The following UNC13C variants were observed in gnomAD, a reference collection of about 807,000 sequenced individuals.
UNC13C encodes unc-13 homolog C.
Under a neutral mutation model 245.4 loss-of-function variants are expected in UNC13C, and 174 were observed. The observed-to-expected ratio is 0.71, with a 90% CI of 0.63 to 0.80. UNC13C has a LOEUF of 0.80. Ranked by LOEUF, UNC13C falls within the 30% of genes least tolerant of loss-of-function variation. UNC13C has a pLI of 0.00. For missense variants in UNC13C, 2,829 were observed against 2,602.9 expected, an observed-to-expected ratio of 1.09 and a Z score of -1.89; for synonymous variants, 992 against 895.1, an observed-to-expected ratio of 1.11 and a Z score of -1.93.
intron 2 of UNC13C, among the ~76,000 whole-genome samples, chr15:54,086,341 T>C (rs1020545859): frequency 2.0e-5 from 3 of 152,206 alleles, no homozygotes; most frequent in Non-Finnish European, 2.9e-5. Flanking sequence ...TATAGGACAT[T>C]CAAAAAAGTT....
chr15:54,474,977 G>C (rs948396376), intron 19 of UNC13C, among the ~76,000 whole-genome samples: 3 of 151,900 alleles, frequency 2.0e-5, no homozygotes, highest in African/African-American at 7.3e-5. Context: ...CCACAAGAAG[G>C]ATACCAAGCC....
chr15:53,897,052 G>T, the UNC13C span, among the ~76,000 whole-genome samples: 1 of 151,900 alleles, frequency 6.6e-6, no homozygotes, highest in South Asian at 2.1e-4. Context: ...TCCTCATTTT[G>T]TAGAGAAAGT....
At chr15:53,922,152 C>G in the UNC13C span, among the ~76,000 whole-genome samples, 1 of 152,134 alleles carries the variant, frequency 6.6e-6, no homozygotes, top group East Asian at 1.9e-4. Flanking sequence ...TTTTAAAAAG[C>G]AATGGGTTTG....
intron 19 of UNC13C, among the ~76,000 whole-genome samples, chr15:54,460,805 C>T (rs1041601585): frequency 6.6e-5 from 10 of 152,212 alleles, no homozygotes; most frequent in Non-Finnish European, 1.3e-4. Context: ...TGAATCTCCA[C>T]ACACTGTTCT....
intron 30 of UNC13C, among the ~76,000 whole-genome samples, chr15:54,608,013 G>GA (rs1359756328): frequency 2.0e-5 from 3 of 151,644 alleles, no homozygotes; most frequent in Admixed American, 6.6e-5. Flanking sequence ...GCATTTATTT[G>GA]AAAAAACAAA....
chr15:54,296,156 T>C (rs1567167470), intron 11 of UNC13C, among the ~76,000 whole-genome samples: 1 of 152,102 alleles, frequency 6.6e-6, no homozygotes, highest in East Asian at 1.9e-4. Flanking sequence ...AAAAAGACCC[T>C]AGGTCTTGCA....
chr15:54,170,194 C>T (rs2033342678), intron 4 of UNC13C, among the ~76,000 whole-genome samples: 1 of 151,856 alleles, frequency 6.6e-6, no homozygotes, highest in South Asian at 2.1e-4. Context: ...ATACTTACGT[C>T]TGATAGTGAC....
chr15:54,163,557 T>C (rs2033055886), intron 4 of UNC13C, among the ~76,000 whole-genome samples: 1 of 152,240 alleles, frequency 6.6e-6, no homozygotes, highest in African/African-American at 2.4e-5. Context: ...CCCACTGTAC[T>C]TCTTTTTCAT....
At chr15:54,056,226 A>G (rs1897514379) in intron 2 of UNC13C, among the ~76,000 whole-genome samples, 1 of 152,142 alleles carries the variant, frequency 6.6e-6, no homozygotes, top group East Asian at 1.9e-4. Flanking sequence ...AAATTAGACG[A>G]ATGGATAACT....
chr15:54,298,049 A>C, intron 12 of UNC13C, 123 bp downstream of exon 12: 1 of 679,240 alleles, frequency 1.5e-6, no homozygotes, highest in Non-Finnish European at 2.5e-6. Flanking sequence ...TTCTGACTCT[A>C]TACTACAGCA....
At chr15:54,103,919 A>G (rs1369000150) in intron 2 of UNC13C, among the ~76,000 whole-genome samples, 4 of 151,730 alleles carry the variant, frequency 2.6e-5, no homozygotes, top group African/African-American at 4.8e-5. Context: ...TAATTTTTGT[A>G]TTTTTAGTAG....
At chr15:54,185,630 A>T (rs1448006697) in intron 4 of UNC13C, among the ~76,000 whole-genome samples, 1 of 140,514 alleles carries the variant, frequency 7.1e-6, no homozygotes, top group Non-Finnish European at 1.5e-5. Context: ...ATTGATCTAT[A>T]TCTCTGTTTT....
intron 24 of UNC13C, among the ~76,000 whole-genome samples, chr15:54,513,908 G>A (rs1171078592): frequency 1.3e-5 from 2 of 150,750 alleles, no homozygotes; most frequent in Non-Finnish European, 3.0e-5. Flanking sequence ...CTCTTACTGT[G>A]TTCCATTTTC....
rs116923429 is a variant in UNC13C at position 54,018,105 on chromosome 15, G to A, written c.2983+2219G>A. On this transcript the variant is annotated intron_variant, in intron 2 of 32. Coordinates refer to ENST00000260323, the MANE Select transcript of UNC13C (RefSeq NM_001080534.3). The stretch of plus-strand genomic sequence containing the variant: ...TTTCCCCATCCTGTGCCACCCATAT[G>A]CCTCTGAAGGAAGGACAGCCAAAGA... Among the ~76,000 whole-genome samples, 270 of 152,198 alleles carry A rather than the reference G, an allele frequency of 1.8e-3. 6 individuals are homozygous for A. The East Asian group carries it at 0.047, about 26-fold the overall frequency.
chr15:53,996,412 G>T (rs1595691913), intron 1 of UNC13C, among the ~76,000 whole-genome samples: 1 of 152,020 alleles, frequency 6.6e-6, no homozygotes, highest in African/African-American at 2.4e-5. Flanking sequence ...ACACTGCTTA[G>T]GCCCTTATGT....
rs1893808759 is a variant in UNC13C at position 53,978,883 on chromosome 15, A to C, written c.-301A>C. Among the ~76,000 whole-genome samples the C allele has an allele frequency of 6.6e-6, 1 of 152,208 alleles. No homozygotes were observed. On this transcript the variant is annotated 5_prime_UTR_variant, in exon 1 of 33. Coordinates refer to ENST00000260323, the MANE Select transcript of UNC13C (RefSeq NM_001080534.3). Reference sequence around the variant, plus strand: ...TACACTCCAAAAGGAGGGGAAGAACAACCCAGTTGGCGTGCACATTTTTTT... The same window carrying C: ...TACACTCCAAAAGGAGGGGAAGAACCACCCAGTTGGCGTGCACATTTTTTT...
intron 4 of UNC13C, among the ~76,000 whole-genome samples, chr15:54,223,229 T>C (rs2035279994): frequency 6.6e-6 from 1 of 152,190 alleles, no homozygotes; most frequent in Non-Finnish European, 1.5e-5. Flanking sequence ...GCTTCTGGTC[T>C]TAGATTTAAG....
the UNC13C span, among the ~76,000 whole-genome samples, chr15:53,866,377 C>A: frequency 6.6e-6 from 1 of 152,060 alleles, no homozygotes; most frequent in East Asian, 1.9e-4. Context: ...GTCTTCAGAG[C>A]TGTTTAAGAA....
intron 1 of UNC13C, among the ~76,000 whole-genome samples, chr15:53,994,770 G>A (rs950775964): frequency 1.2e-4 from 19 of 152,044 alleles, no homozygotes; most frequent in Admixed American, 6.6e-4. Flanking sequence ...AATGTGTATA[G>A]TATAGTGTCT....
Sources: gnomAD v4.1 joint callset for allele counts (sites outside exome capture counted in the v4.1 genomes callset) on GRCh38, gnomAD v4.1.1 for gene constraint, MANE v1.5 for transcripts, NCBI Gene and HGNC (gene_info 2026-07-23, HGNC 2026-07-21) for gene names.